KRT71: variants seen among roughly 807,000 people sequenced by gnomAD.
KRT71 encodes keratin 71.
In KRT71, 42 loss-of-function variants were observed where a neutral mutation model predicts 46.2. The ratio of observed to expected loss-of-function variants is 0.91; its 90% confidence interval spans 0.71 to 1.18. The LOEUF (loss-of-function observed/expected upper bound fraction) is 1.18. KRT71 is among the 50% of genes most tolerant of loss of function. The pLI is 0.00. For synonymous variants in KRT71, 292 were observed against 277.8 expected, an observed-to-expected ratio of 1.05 and a Z score of -0.51; for missense variants, 708 against 677.9, an observed-to-expected ratio of 1.04 and a Z score of -0.49.
At chr12:52,546,958 C>A (rs1042847063) in intron 6 of KRT71, among the ~76,000 whole-genome samples, 1 of 152,228 alleles carries the variant, frequency 6.6e-6, no homozygotes, top group Non-Finnish European at 1.5e-5. Context: ...ATTTGCCAAG[C>A]ACTTAGTGTA....
intron 2 of KRT71, among the ~76,000 whole-genome samples, chr12:52,549,603 G>A (rs1292776058): frequency 6.6e-6 from 1 of 152,174 alleles, no homozygotes; most frequent in Non-Finnish European, 1.5e-5. Context: ...TGCCCTGTGG[G>A]ACTCTCAGAG....
rs59283842 is a variant in KRT71 at position 52,552,919 on chromosome 12, A to AC, written c.158dup (p.Val54CysfsTer56). 6.2e-7 allele frequency: 1 copy of AC among 1,613,540 alleles called. No homozygotes were observed. The highest frequency in any genetic ancestry group is 2.2e-5 in the East Asian group (1 of 44,836). On this transcript the variant is annotated frameshift_variant, in exon 1 of 9. Coordinates refer to ENST00000267119, the MANE Select transcript of KRT71 (RefSeq NM_033448.3). LOFTEE classifies it high-confidence loss of function. ...CACTGGCCACATTGAGGCTCCGGAC[A>AC]CCCCCCAGGCTGTAGAGGCTCCGGC...
intron 2 of KRT71, 134 bp downstream of exon 2, chr12:52,549,895 G>C: frequency 1.0e-6 from 1 of 998,692 alleles, no homozygotes; most frequent in Non-Finnish European, 1.5e-6. Context: ...GTTTTGTTGG[G>C]GTGATTCTGC....
chr12:52,544,203 G>C lies in KRT71; in HGVS notation c.*329C>G. The C allele has an allele frequency of 2.5e-6, 1 of 394,144 alleles. No individual in the cohort carries two copies. The highest frequency in any genetic ancestry group is 4.8e-6 in the Non-Finnish European group (1 of 210,030). 24.4% of individuals were successfully genotyped at this position (394,144 alleles called of 1,614,324 possible). A position where few individuals can be genotyped will look rare whatever the true frequency, so the allele number is the denominator to read the frequency against. On this transcript the variant is annotated 3_prime_UTR_variant, in exon 9 of 9. Transcript: ENST00000267119. The stretch of plus-strand genomic sequence containing the variant: ...GCGGGGCCTTGGGCAGAGACCCAGG[G>C]AGCCCAGCAGAGTAGTTAGCGACTG...
Position 52,544,755 on chromosome 12 carries a change from G to A in KRT71, c.1361-12C>T, listed in dbSNP as rs746938583. On this transcript the variant is annotated splice_polypyrimidine_tract_variant and intron_variant, in intron 8 of 8. Coordinates refer to ENST00000267119, the MANE Select transcript of KRT71 (RefSeq NM_033448.3). The stretch of plus-strand genomic sequence containing the variant: ...GCTGCTGATGATGGCTGCAGGAGGA[G>A]CCGAAGCCAACACCCACTCAGGCAG... The A allele has an allele frequency of 2.5e-6, 4 of 1,599,212 alleles. No homozygotes were observed.
intron 5 of KRT71, 36 bp from the exon 6 acceptor site, chr12:52,548,018 G>T: frequency 6.2e-7 from 1 of 1,611,662 alleles, no homozygotes; most frequent in Non-Finnish European, 8.5e-7. Context: ...TGAGTGTGTC[G>T]TGGGAGTGCA....
chr12:52,549,669 A>G (rs1939127760), intron 2 of KRT71, among the ~76,000 whole-genome samples: 1 of 152,210 alleles, frequency 6.6e-6, no homozygotes, highest in Non-Finnish European at 1.5e-5. Context: ...CAAATGACAA[A>G]GCGCTCCAAT....
intron 8 of KRT71, 99 bp from the exon 9 acceptor site, chr12:52,544,842 G>C: frequency 1.0e-6 from 1 of 989,920 alleles, no homozygotes; most frequent in Non-Finnish European, 1.5e-6. Flanking sequence ...AAGCTGAGTG[G>C]GGAGGTGCAC....
intron 4 of KRT71, 137 bp from the exon 5 acceptor site, chr12:52,548,453 G>T: frequency 9.6e-7 from 1 of 1,039,910 alleles, no homozygotes; most frequent in Non-Finnish European, 1.4e-6. Flanking sequence ...AGGGCTGTGT[G>T]CTTTGCGGCA....
rs577153499 is a variant in KRT71 at position 52,552,309 on chromosome 12, C to T, written c.441+328G>A. On this transcript the variant is annotated intron_variant, in intron 1 of 8. Coordinates refer to ENST00000267119, the MANE Select transcript of KRT71 (RefSeq NM_033448.3). ...GGACAGCTTCCCTGCTTACTCTGGG[C>T]GAGACTGGCTCTCACAGGCCTTTTC... Among the ~76,000 whole-genome samples the T allele has an allele frequency of 3.9e-4, 60 of 152,358 alleles. No homozygotes were observed. The South Asian group carries it at 9.1e-3, about 23-fold the overall frequency.
In KRT71 at chr12:52,553,130, A is replaced by C; in HGVS notation, c.-53T>G. 1.3e-6 allele frequency: 2 copies of C among 1,520,326 alleles called. No individual in the cohort carries two copies. The highest frequency in any genetic ancestry group is 4.5e-5 in the East Asian group (2 of 44,156). 94.2% of individuals were successfully genotyped at this position (1,520,326 alleles called of 1,614,324 possible). On this transcript the variant is annotated 5_prime_UTR_variant, in exon 1 of 9. Transcript: ENST00000267119. ...CAGGAGGGAGGAAGGCAAAATCCCA[A>C]AAGGTTCTGCTGGTTGTAGTGAGGA...
chr12:52,546,236 G>C lies in KRT71; in HGVS notation c.1325+50C>G, dbSNP rs114534525. ...TGAGATGTGTTAGGCTTTCTCCTTT[G>C]GGTCTTCCCAAACCCCTGGGGCCCT... is the stretch of plus-strand genomic sequence containing the variant. On this transcript the variant is annotated intron_variant, in intron 7 of 8. Coordinates refer to ENST00000267119, the MANE Select transcript of KRT71 (RefSeq NM_033448.3). 2.0e-3 allele frequency: 3,129 copies of C among 1,597,324 alleles called. 62 individuals carry two copies. The African/African-American group carries it at 0.037, about 19-fold the overall frequency.
At chr12:52,545,493 C>T in intron 8 of KRT71, 72 bp downstream of exon 8, 2 of 895,680 alleles carry the variant, frequency 2.2e-6, no homozygotes, top group South Asian at 1.5e-5. Flanking sequence ...CATCTGCACA[C>T]AGAGGGTGTC....
intron 8 of KRT71, among the ~76,000 whole-genome samples, chr12:52,545,120 G>T (rs1431037037): frequency 1.3e-5 from 2 of 152,214 alleles, no homozygotes; most frequent in South Asian, 2.1e-4. Context: ...CCAAGCTCTG[G>T]TTTAACTCTT....
intron 6 of KRT71, 44 bp downstream of exon 6, chr12:52,547,813 G>C (rs762232323): frequency 1.1e-5 from 17 of 1,605,096 alleles, no homozygotes; most frequent in Non-Finnish European, 1.4e-5. Context: ...CTCTACTCAT[G>C]CTCCCCTGCA....
Position 52,552,815 on chromosome 12 carries a change from G to A in KRT71, c.263C>T (p.Ala88Val). The A allele has an allele frequency of 6.2e-7, 1 of 1,614,222 alleles. No homozygotes were observed. The highest frequency in any genetic ancestry group is 8.5e-7 in the Non-Finnish European group (1 of 1,180,044). Residue 88 changes from alanine (A) to valine (V), a missense_variant, in exon 1 of 9, where the codon GCC becomes GTC. Ala to Val is a moderately conservative substitution (Grantham distance 64, BLOSUM62 0). Transcript: ENST00000267119. ...GFAGSMFGSV[A>V]LGPVCPTVCP... ...TACAGTTGGGCACACAGGCCCCAGG[G>A]CCACACTGCCAAACATGCTTCCAGC... is the stretch of plus-strand genomic sequence containing the variant.
chr12:52,546,934 C>T (rs533738062), intron 6 of KRT71, among the ~76,000 whole-genome samples: 22 of 152,268 alleles, frequency 1.4e-4, no homozygotes, highest in African/African-American at 5.3e-4. Flanking sequence ...GGACACACCC[C>T]GGGAGCAACC....
chr12:52,548,668 C>T (rs1283972109), intron 4 of KRT71, 33 bp downstream of exon 4: 1 of 1,585,024 alleles, frequency 6.3e-7, no homozygotes, highest in East Asian at 2.2e-5. Context: ...CACCAGCCTC[C>T]CCTAGATGAA....
At position 52,552,845 on chromosome 12, in the gene KRT71, C is replaced by T. The variant is rs1163758811; in HGVS notation, c.233G>A (p.Gly78Asp). The T allele has an allele frequency of 6.2e-7, 1 of 1,614,222 alleles. No homozygotes were observed. The highest frequency in any genetic ancestry group is 8.5e-7 in the Non-Finnish European group (1 of 1,180,036). ...ACTGCCAAACATGCTTCCAGCAAAG[C>T]CACTGGCCCGGCCCCGGCCAAATCC... The part of the protein sequence containing the change: ...GYGFGRGRAS[G>D]FAGSMFGSVA... Residue 78 changes from glycine to aspartate, a missense_variant, in exon 1 of 9, where the codon GGC (glycine) becomes GAC (aspartate). Coordinates refer to ENST00000267119, the MANE Select transcript of KRT71 (RefSeq NM_033448.3).
Sources: gnomAD v4.1 joint callset for allele counts (sites outside exome capture counted in the v4.1 genomes callset) on GRCh38, gnomAD v4.1.1 for gene constraint, MANE v1.5 for transcripts, NCBI Gene and HGNC (gene_info 2026-07-23, HGNC 2026-07-21) for gene names.